The following SRPK2 variants were observed in gnomAD, a reference collection of about 807,000 sequenced individuals.
SRPK2 encodes the protein SFRS protein kinase 2.
Under a neutral mutation model 90.8 loss-of-function variants are expected in SRPK2, and 21 were observed. The observed-to-expected ratio is 0.23, with a 90% confidence interval of 0.16 to 0.33. The LOEUF is 0.33. SRPK2 is among the 10% of genes least tolerant of loss of function. The pLI is 1.00. For synonymous variants in SRPK2, 288 were observed against 311.1 expected, an observed-to-expected ratio of 0.93 and a Z score of 0.78; for missense variants, 620 against 869.0, an observed-to-expected ratio of 0.71 and a Z score of 3.60.
At chr7:105,186,130 T>A (rs1032563457) in intron 3 of SRPK2, among the ~76,000 whole-genome samples, 1 of 152,220 alleles carries the variant, frequency 6.6e-6, no homozygotes, top group African/African-American at 2.4e-5. Context: ...TACACAAATC[T>A]CTATTTCTAT....
At chr7:105,305,953 C>T (rs1215266294) in intron 2 of SRPK2, among the ~76,000 whole-genome samples, 8 of 152,098 alleles carry the variant, frequency 5.3e-5, no homozygotes, top group Non-Finnish European at 7.4e-5. Flanking sequence ...TTCTTTAGTA[C>T]GGAACACTTT....
chr7:105,390,385 T>C (rs141280191), upstream of SRPK2, among the ~76,000 whole-genome samples: 1 of 152,180 alleles, frequency 6.6e-6, no homozygotes, highest in East Asian at 1.9e-4. Flanking sequence ...TTTAAACACC[T>C]TTAGTCTAGA....
intron 2 of SRPK2, chr7:105,245,070 C>CACACACAT: frequency 1.7e-6 from 1 of 595,600 alleles, no homozygotes; most frequent in Non-Finnish European, 3.0e-6. Context: ...CACACACACA[C>CACACACAT]ACACCTCTTT....
Position 105,171,135 on chromosome 7 carries a change from C to G in SRPK2, c.230-1870G>C, listed in dbSNP as rs182133104. ...GAAGAAATCAGCTATAGAGGGCACCCTATTAAGGTAGATTCTTGAGGGCAA... is the reference window on the plus strand; with the variant it reads ...GAAGAAATCAGCTATAGAGGGCACCGTATTAAGGTAGATTCTTGAGGGCAA... On this transcript the variant is annotated intron_variant, in intron 3 of 15. Transcript: ENST00000393651. 5.3e-5 allele frequency among the ~76,000 whole-genome samples: 8 copies of G among 151,844 alleles called. No individual in the cohort carries two copies. The East Asian group carries it at 1.4e-3, about 26-fold the overall frequency.
chr7:105,389,405 A>G, upstream of SRPK2: 11 of 1,240,026 alleles, frequency 8.9e-6, no homozygotes, highest in Non-Finnish European at 1.1e-5. Context: ...AGGCGTGGAA[A>G]GGGCACACGA....
intron 8 of SRPK2, 46 bp from the exon 9 acceptor site, chr7:105,145,354 C>A (rs370437357): frequency 7.0e-7 from 1 of 1,437,906 alleles, no homozygotes; most frequent in Non-Finnish European, 9.6e-7. Flanking sequence ...AAAACAGACA[C>A]ATGCCTTCAT....
chr7:105,186,298 T>C (rs1563054350), intron 3 of SRPK2, among the ~76,000 whole-genome samples: 2 of 152,298 alleles, frequency 1.3e-5, no homozygotes, highest in African/African-American at 2.4e-5. Flanking sequence ...ATCAACCAAA[T>C]AGTGACCATT....
intron 3 of SRPK2, among the ~76,000 whole-genome samples, chr7:105,202,196 G>A (rs17640508): frequency 0.41 from 63,071 of 152,034 alleles, 14,947 homozygotes; most frequent in Non-Finnish European, 0.53. Context: ...CTACACTTTT[G>A]TAGTACAGTA....
intron 2 of SRPK2, among the ~76,000 whole-genome samples, chr7:105,354,632 C>A (rs758306767): frequency 6.6e-6 from 1 of 152,154 alleles, no homozygotes; most frequent in African/African-American, 2.4e-5. Context: ...GCAGCACAGC[C>A]CATACTCCTC....
intron 2 of SRPK2, among the ~76,000 whole-genome samples, chr7:105,311,740 A>AT (rs1811730411): frequency 6.6e-6 from 1 of 152,232 alleles, no homozygotes; most frequent in Non-Finnish European, 1.5e-5. Flanking sequence ...GTTGCTGGTG[A>AT]TTATGTAAAA....
intron 7 of SRPK2, among the ~76,000 whole-genome samples, chr7:105,148,040 G>A (rs1804924848): frequency 6.6e-6 from 1 of 152,142 alleles, no homozygotes; most frequent in South Asian, 2.1e-4. Flanking sequence ...CCGTACTTAG[G>A]TCATATGGTG....
intron 2 of SRPK2, among the ~76,000 whole-genome samples, chr7:105,285,380 G>A (rs1294554489): frequency 1.1e-5 from 1 of 90,326 alleles, no homozygotes; most frequent in Non-Finnish European, 2.0e-5. Context: ...GTGAGACCCC[G>A]TCTCCAAAAA....
rs548724665 is a variant in SRPK2, at chr7:105,141,459, G to C, written c.1543+549C>G. 2.6e-5 allele frequency among the ~76,000 whole-genome samples: 4 copies of C among 152,258 alleles called. No homozygotes were observed. The East Asian group carries it at 7.7e-4, about 29-fold the overall frequency. On this transcript the variant is annotated intron_variant, in intron 11 of 15. Transcript: ENST00000393651. ...CCTTCTTAGGTAGACAAGAACACAA[G>C]AGCCAATCTATAATCTGTCATCACA...
At chr7:105,355,396 A>G (rs966787853) in intron 2 of SRPK2, among the ~76,000 whole-genome samples, 3 of 152,030 alleles carry the variant, frequency 2.0e-5, no homozygotes, top group African/African-American at 7.2e-5. Context: ...TGTAATCCCA[A>G]CACTTTGGCA....
intron 13 of SRPK2, among the ~76,000 whole-genome samples, chr7:105,131,079 C>T (rs1287651610): frequency 6.6e-6 from 1 of 152,210 alleles, no homozygotes; most frequent in Admixed American, 6.5e-5. Flanking sequence ...GTGCTGAAAG[C>T]TCCATTAACC....
intron 2 of SRPK2, among the ~76,000 whole-genome samples, chr7:105,284,449 G>A (rs574181407): frequency 6.6e-6 from 1 of 152,308 alleles, no homozygotes; most frequent in African/African-American, 2.4e-5. Context: ...CACCTTCTGT[G>A]CCATACAAAG....
intron 15 of SRPK2, among the ~76,000 whole-genome samples, chr7:105,124,502 G>A (rs931127615): frequency 3.9e-5 from 6 of 151,914 alleles, no homozygotes; most frequent in Admixed American, 1.3e-4. Flanking sequence ...TTAGCCGGGC[G>A]TGGTGGCAGG....
intron 11 of SRPK2, among the ~76,000 whole-genome samples, chr7:105,140,967 A>T (rs1803660170): frequency 6.6e-6 from 1 of 152,212 alleles, no homozygotes; most frequent in Non-Finnish European, 1.5e-5. Flanking sequence ...TCTCATAAAA[A>T]AAAAAAGAAA....
At chr7:105,340,399 C>CT (rs781142110) in intron 2 of SRPK2, among the ~76,000 whole-genome samples, 7,851 of 128,284 alleles carry the variant, frequency 0.061, 345 homozygotes, top group Non-Finnish European at 0.082. Context: ...CTTTTCTCTC[C>CT]TTTTTTTTTT....
Sources: gnomAD v4.1 joint callset for allele counts (sites outside exome capture counted in the v4.1 genomes callset) on GRCh38, gnomAD v4.1.1 for gene constraint, MANE v1.5 for transcripts, NCBI Gene and HGNC (gene_info 2026-07-23, HGNC 2026-07-21) for gene names.